The following CYFIP2 variants were observed in gnomAD, a reference collection of about 807,000 sequenced individuals.
CYFIP2 encodes cytoplasmic FMR1 interacting protein 2, also known as cytoplasmic FMR1-interacting protein 2.
Under a neutral mutation model 158.7 loss-of-function variants are expected in CYFIP2, and 29 were observed. That is an observed-to-expected ratio of 0.18 (90% CI 0.14 to 0.25). CYFIP2 has a LOEUF of 0.25. Ranked by LOEUF, CYFIP2 falls within the 10% of genes least tolerant of loss-of-function variation. The pLI is 1.00. For synonymous variants in CYFIP2, 585 were observed against 617.6 expected, an observed-to-expected ratio of 0.95 and a Z score of 0.78; for missense variants, 852 against 1,639.5, an observed-to-expected ratio of 0.52 and a Z score of 8.29.
chr5:157,287,004 C>A lies in CYFIP2; in HGVS notation c.118-15C>A. ...TTTCTAACAACCAAAATGTTCCTGT[C>A]CTCTAATTCCACAGGCTAACTTTGA... On this transcript the variant is annotated splice_polypyrimidine_tract_variant and intron_variant, in intron 2 of 30. Transcript: ENST00000620254. 6.2e-7 allele frequency: 1 copy of A among 1,609,428 alleles called. No homozygotes were observed. The highest frequency in any genetic ancestry group is 8.5e-7 in the Non-Finnish European group (1 of 1,176,646).
intron 11 of CYFIP2, among the ~76,000 whole-genome samples, chr5:157,313,419 G>T (rs981032163): frequency 6.6e-6 from 1 of 152,124 alleles, no homozygotes; most frequent in East Asian, 1.9e-4. Context: ...GCTATATAGC[G>T]CATTAGCCCT....
intron 23 of CYFIP2, among the ~76,000 whole-genome samples, chr5:157,350,990 A>T (rs1763029583): frequency 6.6e-6 from 1 of 152,222 alleles, no homozygotes; most frequent in African/African-American, 2.4e-5. Context: ...TCATATCATC[A>T]GCAAACAGTG....
At chr5:157,290,377 C>A (rs1353684036) in intron 3 of CYFIP2, among the ~76,000 whole-genome samples, 4 of 152,200 alleles carry the variant, frequency 2.6e-5, no homozygotes, top group Admixed American at 6.5e-5. Flanking sequence ...TGGCCCCCAG[C>A]CAGCAGTGAC....
In CYFIP2 at chr5:157,311,589, C is replaced by A; in HGVS notation, c.993-75C>A. ...GGAGTTGGCCACGTGGGCTGAGCAC[C>A]AGGAGCAGCTAATGCCTGTTCCACC... is the stretch of plus-strand genomic sequence containing the variant. On this transcript the variant is annotated intron_variant, in intron 10 of 30. Transcript: ENST00000620254. The surrounding 1 kb of genome is among the most constrained non-coding windows in gnomAD (Gnocchi z 4.7). 1 of 1,358,186 alleles carries A rather than the reference C, an allele frequency of 7.4e-7. No homozygotes were observed. Among genetic ancestry groups the A allele is most frequent in the Non-Finnish European group, 1.0e-6 (1 of 985,566 alleles). The allele number at this position is 1,358,186 out of a possible 1,614,324, so 84.1% of individuals were successfully genotyped here. A position where few individuals can be genotyped will look rare whatever the true frequency, so the allele number is the denominator to read the frequency against.
chr5:157,274,129 TAAAAAAAAAAA>T (rs58939164), intron 1 of CYFIP2, among the ~76,000 whole-genome samples: 4 of 123,216 alleles, frequency 3.2e-5, no homozygotes, highest in Non-Finnish European at 6.8e-5. Flanking sequence ...AAACTCTGTG[TAAAAAAAAAAA>T]AAAAAAAAAC....
In CYFIP2 at chr5:157,311,074, G is replaced by A; in HGVS notation, c.993-590G>A. Reference sequence around the variant, plus strand: ...AGGGAAGGAGGAAAGAGGGTGGAAAGAGAAGGAGAGAAGGGGGCGAGAGGT... The same window carrying A: ...AGGGAAGGAGGAAAGAGGGTGGAAAAAGAAGGAGAGAAGGGGGCGAGAGGT... On this transcript the variant is annotated intron_variant, in intron 10 of 30. Transcript: ENST00000620254. The surrounding 1 kb of genome is among the most constrained non-coding windows in gnomAD (Gnocchi z 4.7). 1 of 443,416 alleles carries A rather than the reference G, an allele frequency of 2.3e-6. No individual in the cohort carries two copies. The highest frequency in any genetic ancestry group is 4.5e-6 in the Non-Finnish European group (1 of 223,220). 27.5% of individuals were successfully genotyped at this position (443,416 alleles called of 1,614,324 possible).
At chr5:157,392,286 C>T (rs1581217689) in intron 30 of CYFIP2, among the ~76,000 whole-genome samples, 1 of 152,128 alleles carries the variant, frequency 6.6e-6, no homozygotes, top group African/African-American at 2.4e-5. Flanking sequence ...TGTCATACCC[C>T]AAGATATTAT....
chr5:157,299,149 T>C (rs1373566906), intron 5 of CYFIP2, among the ~76,000 whole-genome samples: 1 of 80,582 alleles, frequency 1.2e-5, no homozygotes, highest in Non-Finnish European at 2.7e-5. Context: ...TTAACTATTC[T>C]CTCACGTCTA....
At chr5:157,280,063 G>A (rs892175997) in intron 1 of CYFIP2, among the ~76,000 whole-genome samples, 2 of 152,150 alleles carry the variant, frequency 1.3e-5, no homozygotes, top group African/African-American at 4.8e-5. Context: ...AAGAAAGATA[G>A]CATTAACATA....
intron 29 of CYFIP2, 49 bp from the exon 30 acceptor site, chr5:157,390,472 C>A: frequency 1.4e-6 from 2 of 1,435,120 alleles, no homozygotes; most frequent in Non-Finnish European, 1.9e-6. Flanking sequence ...CCCTCCCTGC[C>A]CTCCTCCCCC....
At chr5:157,301,752 G>A (rs528304164) in intron 6 of CYFIP2, among the ~76,000 whole-genome samples, 2 of 152,222 alleles carry the variant, frequency 1.3e-5, no homozygotes, top group East Asian at 3.9e-4. Flanking sequence ...ACCATAATGA[G>A]ACCCCGTCTC....
intron 1 of CYFIP2, among the ~76,000 whole-genome samples, chr5:157,279,473 A>G (rs1415885394): frequency 6.6e-6 from 1 of 152,252 alleles, no homozygotes; most frequent in Non-Finnish European, 1.5e-5. Flanking sequence ...TTCCAAAGCC[A>G]TGTTCTCCTG....
In CYFIP2 at chr5:157,285,341, C is replaced by T; in HGVS notation, c.-21C>T. ...GACCTTCTCTTCCTTCCCTTCAGTG[C>T]AGAATACAGAAACTGCAGCCATGAC... On this transcript the variant is annotated splice_region_variant and 5_prime_UTR_variant, in exon 2 of 31. Transcript: ENST00000620254. 6.5e-7 allele frequency: 1 copy of T among 1,546,946 alleles called. No homozygotes were observed. Among genetic ancestry groups the T allele is most frequent in the Non-Finnish European group, 8.8e-7 (1 of 1,141,706 alleles).
chr5:157,386,222 T>G (rs1484137326), intron 28 of CYFIP2, among the ~76,000 whole-genome samples: 1 of 152,052 alleles, frequency 6.6e-6, no homozygotes, highest in Non-Finnish European at 1.5e-5. Context: ...TGGAATAATT[T>G]TATTATTATT....
At chr5:157,345,480 C>T (rs1050014501) in intron 23 of CYFIP2, 1 of 152,636 alleles carries the variant, frequency 6.6e-6, no homozygotes, top group African/African-American at 2.4e-5. Context: ...CGGCCCTTCT[C>T]CAAGCAGAGT....
At chr5:157,301,638 G>A (rs764327329) in intron 6 of CYFIP2, among the ~76,000 whole-genome samples, 4 of 152,142 alleles carry the variant, frequency 2.6e-5, no homozygotes, top group Non-Finnish European at 5.9e-5. Flanking sequence ...CTCTTAAGAA[G>A]AAGAAGGTTA....
At chr5:157,315,142 C>T (rs373110158) in intron 13 of CYFIP2, 48 bp downstream of exon 13, 3 of 1,607,746 alleles carry the variant, frequency 1.9e-6, no homozygotes, top group East Asian at 2.2e-5. Context: ...GGCTGCAGCT[C>T]ATGGTGGTTC....
chr5:157,288,734 G>A (rs1034617549), intron 3 of CYFIP2: 26 of 422,130 alleles, frequency 6.2e-5, no homozygotes, highest in African/African-American at 5.2e-4. Flanking sequence ...CTTACTCAGG[G>A]TCCTGCAGCT....
intron 26 of CYFIP2, chr5:157,380,264 T>A (rs1347126199): frequency 6.6e-6 from 1 of 152,260 alleles, no homozygotes; most frequent in African/African-American, 2.4e-5. Context: ...TAAACTGTAA[T>A]TTCTAATCTT....
Sources: allele counts gnomAD v4.1 joint callset (sites outside exome capture counted in the v4.1 genomes callset), GRCh38; gene constraint gnomAD v4.1.1; non-coding constraint Gnocchi (gnomAD v3.1); transcripts MANE v1.5; gene names NCBI Gene and HGNC (gene_info 2026-07-23, HGNC 2026-07-21).